Variants in NBAS observed in about 807,000 individuals in gnomAD.
NBAS encodes NBAS subunit of NRZ tethering complex.
A neutral mutation model predicts 302.5 loss-of-function variants in NBAS; 219 were observed. The observed-to-expected ratio is 0.72, with a 90% CI of 0.65 to 0.81. The LOEUF (loss-of-function observed/expected upper bound fraction) is 0.81, where lower values mean the gene tolerates loss of function less well. Ranked by LOEUF, NBAS falls within the 30% of genes least tolerant of loss-of-function variation. The pLI is 0.00. For synonymous variants in NBAS, 1,118 were observed against 1,021.6 expected (o/e 1.09, Z -1.80); for missense variants, 2,932 against 2,841.6 (o/e 1.03, Z -0.72).
intron 44 of NBAS, 68 bp downstream of exon 44, chr2:15,275,416 C>G: frequency 6.9e-7 from 1 of 1,452,112 alleles, no homozygotes; most frequent in Non-Finnish European, 9.4e-7. Flanking sequence ...ATAAAATCTA[C>G]AGAATGTAGG....
In NBAS at chr2:15,330,587, G is replaced by A; in HGVS notation, c.4347+11C>T. 1.2e-6 allele frequency: 2 copies of A among 1,613,478 alleles called. No individual in the cohort carries two copies. The highest frequency in any genetic ancestry group is 1.1e-5 in the South Asian group (1 of 91,008). On this transcript the variant is annotated intron_variant, in intron 36 of 51. Coordinates refer to ENST00000281513, the MANE Select transcript of NBAS (RefSeq NM_015909.4). ...TGCAGTTGATTTTAAAAAGAAAGAT[G>A]CACTGCTTACCTGAAGGGGTCGAAG...
At chr2:14,907,339 G>A in the NBAS span, among the ~76,000 whole-genome samples, 5 of 152,298 alleles carry the variant, frequency 3.3e-5, no homozygotes, top group East Asian at 3.9e-4. Context: ...ACTTCACTGC[G>A]TCTGAAGGAA....
chr2:14,842,634 C>T, the NBAS span, among the ~76,000 whole-genome samples: 1 of 151,718 alleles, frequency 6.6e-6, no homozygotes, highest in Admixed American at 6.6e-5. Flanking sequence ...AAATACAAAA[C>T]TTCATCAAAC....
chr2:15,483,029 G>C (rs1680492549), intron 12 of NBAS, among the ~76,000 whole-genome samples: 1 of 152,084 alleles, frequency 6.6e-6, no homozygotes, highest in African/African-American at 2.4e-5. Flanking sequence ...TATAGGTTTT[G>C]TACAGAAAAC....
At chr2:14,920,616 G>C in the NBAS span, among the ~76,000 whole-genome samples, 4 of 152,254 alleles carry the variant, frequency 2.6e-5, no homozygotes, top group South Asian at 8.3e-4. Flanking sequence ...AATTATCTTA[G>C]CTAGATCTTC....
the NBAS span, among the ~76,000 whole-genome samples, chr2:14,881,822 CT>C: frequency 2.0e-5 from 3 of 152,192 alleles, no homozygotes; most frequent in African/African-American, 7.2e-5. Context: ...TATTTACTAG[CT>C]GGCCTTTTAA....
At chr2:15,166,564 C>G (rs1207639741), downstream of NBAS, among the ~76,000 whole-genome samples, 2 of 152,152 alleles carry the variant, frequency 1.3e-5, no homozygotes, top group African/African-American at 4.8e-5. Context: ...TAATACCACC[C>G]TTATTTTTCT....
intron 44 of NBAS, among the ~76,000 whole-genome samples, chr2:15,249,304 G>T (rs752878088): frequency 3.9e-5 from 6 of 152,116 alleles, no homozygotes; most frequent in Non-Finnish European, 8.8e-5. Flanking sequence ...AGGTATTGAT[G>T]AAACGTATCT....
chr2:15,359,659 T>G (rs1673798407), intron 32 of NBAS, among the ~76,000 whole-genome samples: 1 of 152,170 alleles, frequency 6.6e-6, no homozygotes, highest in Non-Finnish European at 1.5e-5. Context: ...TTCACTCTCT[T>G]TAAAACAATT....
At chr2:15,316,647 T>C (rs893323321) in intron 38 of NBAS, among the ~76,000 whole-genome samples, 1 of 152,194 alleles carries the variant, frequency 6.6e-6, no homozygotes, top group African/African-American at 2.4e-5. Flanking sequence ...GAGCTAGAAC[T>C]GTGAGGCAGC....
Position 15,424,356 on chromosome 2 carries a change from A to C in NBAS, c.2536T>G (p.Tyr846Asp). ...TCTATTTCCTCTGCTCTGGTCTGAT[A>C]CCAGTCCATAACCTTCTCCACCGTA... is the stretch of plus-strand genomic sequence containing the variant. ...QLTVEKVMDW[Y>D]QTRAEEIEHY... Residue 846 changes from tyrosine (Y) to aspartate (D), a missense_variant, in exon 23 of 52, where the codon TAT becomes GAT. Physicochemically the swap from Tyr to Asp is radical, Grantham distance 160 (BLOSUM62 -3). Transcript: ENST00000281513. The C allele has an allele frequency of 6.2e-7, 1 of 1,614,052 alleles. No individual in the cohort carries two copies. The highest frequency in any genetic ancestry group is 8.5e-7 in the Non-Finnish European group (1 of 1,179,988).
At chr2:15,372,883 T>A (rs1674556058) in intron 31 of NBAS, among the ~76,000 whole-genome samples, 1 of 152,148 alleles carries the variant, frequency 6.6e-6, no homozygotes, top group Admixed American at 6.5e-5. Context: ...CAAAATCCAG[T>A]AGCACTTGGG....
intron 35 of NBAS, among the ~76,000 whole-genome samples, chr2:15,336,884 T>TAGA (rs1255778405): frequency 1.3e-5 from 2 of 152,206 alleles, no homozygotes; most frequent in Non-Finnish European, 2.9e-5. Flanking sequence ...AATCCAAGTA[T>TAGA]AGAACTGAAA....
the NBAS span, among the ~76,000 whole-genome samples, chr2:14,819,885 A>G: frequency 2.0e-5 from 3 of 152,270 alleles, no homozygotes; most frequent in Admixed American, 6.5e-5. Flanking sequence ...AAAGAAGAGT[A>G]CAAATGGAAA....
the NBAS span, among the ~76,000 whole-genome samples, chr2:14,849,351 G>C: frequency 6.6e-6 from 1 of 151,266 alleles, no homozygotes; most frequent in Non-Finnish European, 1.5e-5. Flanking sequence ...TGAAATGAAT[G>C]AAATGAAGCG....
At chr2:15,197,158 A>G (rs1312485681) in intron 48 of NBAS, among the ~76,000 whole-genome samples, 1 of 152,318 alleles carries the variant, frequency 6.6e-6, no homozygotes, top group East Asian at 1.9e-4. Context: ...ACAGGTCTCA[A>G]TGCTATATAT....
At chr2:15,382,130 T>C (rs1572754264) in intron 29 of NBAS, among the ~76,000 whole-genome samples, 1 of 152,270 alleles carries the variant, frequency 6.6e-6, no homozygotes, top group East Asian at 1.9e-4. Flanking sequence ...AAACTGCCTT[T>C]GACTTGGAGA....
At chr2:14,803,557 A>G in the NBAS span, among the ~76,000 whole-genome samples, 1 of 152,140 alleles carries the variant, frequency 6.6e-6, no homozygotes, top group Non-Finnish European at 1.5e-5. Context: ...GTTTCCCATC[A>G]CTTAAAGATC....
chr2:15,172,347 A>C (rs1415666090), intron 51 of NBAS, among the ~76,000 whole-genome samples: 1 of 152,038 alleles, frequency 6.6e-6, no homozygotes, highest in Non-Finnish European at 1.5e-5. Flanking sequence ...ACAGCTTCCC[A>C]CTCTTTCACA....
Sources: gnomAD v4.1 joint callset for allele counts (sites outside exome capture counted in the v4.1 genomes callset) on GRCh38, gnomAD v4.1.1 for gene constraint, MANE v1.5 for transcripts, NCBI Gene and HGNC (gene_info 2026-07-23, HGNC 2026-07-21) for gene names.